The following PTPRN2 variants were observed in gnomAD, a reference collection of about 807,000 sequenced individuals.
PTPRN2 encodes protein tyrosine phosphatase receptor type N2.
PTPRN2 carries 74 observed loss-of-function variants against 118.8 expected under a neutral mutation model. That is an observed-to-expected ratio of 0.62 (90% confidence interval 0.52 to 0.76). The LOEUF (loss-of-function observed/expected upper bound fraction) is 0.76, where lower values mean the gene tolerates loss of function less well. Ranked by LOEUF, PTPRN2 falls within the 30% of genes least tolerant of loss-of-function variation. PTPRN2 has a pLI of 0.00. For missense variants in PTPRN2, 1,481 were observed against 1,394.4 expected (o/e 1.06, Z -0.99); for synonymous variants, 641 against 608.0 (o/e 1.05, Z -0.80).
At chr7:158,308,527 T>G (rs1318361938) in intron 3 of PTPRN2, among the ~76,000 whole-genome samples, 2 of 152,136 alleles carry the variant, frequency 1.3e-5, no homozygotes, top group Non-Finnish European at 2.9e-5. Flanking sequence ...GCAATAATTA[T>G]AAATCCATGT....
At chr7:158,477,765 C>G (rs765282934) in intron 2 of PTPRN2, among the ~76,000 whole-genome samples, 13 of 152,262 alleles carry the variant, frequency 8.5e-5, no homozygotes, top group African/African-American at 1.2e-4. Flanking sequence ...TCACCCACCC[C>G]TCACCCCAGG....
chr7:158,251,222 T>C (rs945338689), intron 3 of PTPRN2, among the ~76,000 whole-genome samples: 1 of 152,172 alleles, frequency 6.6e-6, no homozygotes, highest in Non-Finnish European at 1.5e-5. Context: ...AGAACTGGGC[T>C]CCCGTCCTGC....
At chr7:158,477,392 G>A (rs1245355210) in intron 2 of PTPRN2, among the ~76,000 whole-genome samples, 2 of 152,200 alleles carry the variant, frequency 1.3e-5, no homozygotes, top group Non-Finnish European at 2.9e-5. Context: ...CCTCCGAGTG[G>A]GAGTGAGATT....
intron 1 of PTPRN2, among the ~76,000 whole-genome samples, chr7:158,507,682 C>T (rs905655224): frequency 1.4e-5 from 2 of 148,120 alleles, no homozygotes; most frequent in African/African-American, 5.1e-5. Context: ...GGGGACAGCC[C>T]TGCGCTGGGC....
intron 3 of PTPRN2, among the ~76,000 whole-genome samples, chr7:158,297,937 C>G (rs756712414): frequency 2.0e-5 from 3 of 152,188 alleles, no homozygotes; most frequent in African/African-American, 4.8e-5. Flanking sequence ...TAGACTAACT[C>G]AAGTTTTCTT....
At chr7:158,270,710 C>T (rs1485523154) in intron 3 of PTPRN2, among the ~76,000 whole-genome samples, 1 of 151,938 alleles carries the variant, frequency 6.6e-6, no homozygotes, top group African/African-American at 2.4e-5. Flanking sequence ...CTCTACTGGG[C>T]TGCCCCTCTC....
chr7:158,041,466 T>C (rs1465694425), intron 11 of PTPRN2, among the ~76,000 whole-genome samples: 2 of 152,062 alleles, frequency 1.3e-5, no homozygotes, highest in Non-Finnish European at 1.5e-5. Flanking sequence ...GGTGAAACCC[T>C]GTTTCCACTA....
At chr7:158,478,379 C>T (rs751736336) in intron 2 of PTPRN2, among the ~76,000 whole-genome samples, 22 of 152,110 alleles carry the variant, frequency 1.4e-4, no homozygotes, top group Non-Finnish European at 2.5e-4. Context: ...TCCTGGCATT[C>T]GGTGCTGTGC....
rs952371622 is a variant in PTPRN2 at position 157,676,962 on chromosome 7, G to A, written c.2001+5763C>T. 1.3e-5 allele frequency among the ~76,000 whole-genome samples: 2 copies of A among 152,130 alleles called. No homozygotes were observed. Among genetic ancestry groups the A allele is most frequent in the African/African-American group, 2.4e-5 (1 of 41,440 alleles). On this transcript the variant is annotated intron_variant, in intron 13 of 22. Coordinates refer to ENST00000389418, the MANE Select transcript of PTPRN2 (RefSeq NM_002847.5). The surrounding 1 kb of genome is among the most constrained non-coding windows in gnomAD (Gnocchi z 5.6). Reference sequence around the variant, plus strand: ...CACAAGCCTAAGGGAAGCAGCACCCGCTCCACAGACACCACGCACACCGCC... The same window carrying A: ...CACAAGCCTAAGGGAAGCAGCACCCACTCCACAGACACCACGCACACCGCC...
At chr7:158,384,949 AG>A (rs952550102) in intron 2 of PTPRN2, among the ~76,000 whole-genome samples, 1 of 151,898 alleles carries the variant, frequency 6.6e-6, no homozygotes, top group African/African-American at 2.4e-5. Context: ...GCTGCGCATC[AG>A]TAAAATCACC....
chr7:158,277,992 T>C (rs543655006), intron 3 of PTPRN2, among the ~76,000 whole-genome samples: 2 of 152,206 alleles, frequency 1.3e-5, no homozygotes, highest in African/African-American at 4.8e-5. Context: ...CTCCCTGACC[T>C]CCAGCACATA....
intron 2 of PTPRN2, among the ~76,000 whole-genome samples, chr7:158,339,842 G>A (rs1451403583): frequency 7.4e-5 from 8 of 108,378 alleles, no homozygotes; most frequent in Non-Finnish European, 1.0e-4. Flanking sequence ...CTCACCATAA[G>A]AAGTGACACC....
intron 14 of PTPRN2, among the ~76,000 whole-genome samples, chr7:157,633,951 G>C (rs1804130010): frequency 6.6e-6 from 1 of 152,240 alleles, no homozygotes; most frequent in African/African-American, 2.4e-5. Context: ...TGGCAGTGCA[G>C]GATGCAAGTC....
intron 1 of PTPRN2, among the ~76,000 whole-genome samples, chr7:158,527,536 C>T (rs567128296): frequency 1.3e-5 from 2 of 151,928 alleles, no homozygotes; most frequent in Non-Finnish European, 2.9e-5. Context: ...CTGAGAATAC[C>T]GTGGAGTTGG....
chr7:158,092,991 G>A (rs1313397099), intron 10 of PTPRN2, among the ~76,000 whole-genome samples: 1 of 152,218 alleles, frequency 6.6e-6, no homozygotes, highest in Non-Finnish European at 1.5e-5. Flanking sequence ...AACCCTTGTA[G>A]TTTTAGGTGC....
chr7:158,417,770 G>C (rs201056778), intron 2 of PTPRN2, among the ~76,000 whole-genome samples: 1 of 59,754 alleles, frequency 1.7e-5, no homozygotes, highest in African/African-American at 8.5e-5. Context: ...TCAGTGTCCC[G>C]CTGTGTTAAG....
intron 2 of PTPRN2, among the ~76,000 whole-genome samples, chr7:158,399,766 G>A (rs989762150): frequency 6.6e-6 from 1 of 152,234 alleles, no homozygotes; most frequent in Non-Finnish European, 1.5e-5. Flanking sequence ...TGGGTTTCCA[G>A]TGAAAGGTGC....
At chr7:157,842,257 T>C (rs1808474879) in intron 12 of PTPRN2, among the ~76,000 whole-genome samples, 1 of 152,116 alleles carries the variant, frequency 6.6e-6, no homozygotes, top group Non-Finnish European at 1.5e-5. Flanking sequence ...TATGGGGTCA[T>C]TTCAGCGCGC....
intron 12 of PTPRN2, among the ~76,000 whole-genome samples, chr7:157,746,053 G>C (rs1424910419): frequency 7.2e-6 from 1 of 138,630 alleles, no homozygotes; most frequent in African/African-American, 2.7e-5. Context: ...CCTGAGTGTG[G>C]AGATCACAGG....
Sources: allele counts gnomAD v4.1 joint callset (sites outside exome capture counted in the v4.1 genomes callset), GRCh38; gene constraint gnomAD v4.1.1; non-coding constraint Gnocchi (gnomAD v3.1); transcripts MANE v1.5; gene names NCBI Gene and HGNC (gene_info 2026-07-23, HGNC 2026-07-21).